Variants in ZNF626 observed in about 807,000 individuals in gnomAD.
ZNF626 encodes CTC-513N18.7.
In ZNF626, 4 loss-of-function variants were observed where a neutral mutation model predicts 11.7. The observed-to-expected ratio is 0.34, with a 90% CI of 0.17 to 0.78. The LOEUF is 0.78. Ranked by LOEUF, ZNF626 falls within the 30% of genes least tolerant of loss-of-function variation. The pLI is 0.57. For synonymous variants in ZNF626, 179 were observed against 198.6 expected, an observed-to-expected ratio of 0.90 and a Z score of 0.83; for missense variants, 588 against 587.1, an observed-to-expected ratio of 1.00 and a Z score of -0.01.
intron 3 of ZNF626, among the ~76,000 whole-genome samples, chr19:20,629,974 A>G (rs1568455871): frequency 6.6e-6 from 1 of 152,138 alleles, no homozygotes; most frequent in Non-Finnish European, 1.5e-5. Flanking sequence ...ATTTATTGAG[A>G]GTTTTTAGTA....
chr19:20,632,283 C>T (rs569677756), intron 3 of ZNF626, among the ~76,000 whole-genome samples: 30 of 152,086 alleles, frequency 2.0e-4, no homozygotes, highest in Non-Finnish European at 3.4e-4. Flanking sequence ...TTCCTCTTCT[C>T]GAGGAGTATC....
chr19:20,644,870 C>T (rs1197433802), intron 3 of ZNF626: 6 of 151,916 alleles, frequency 3.9e-5, no homozygotes, highest in Admixed American at 3.9e-4. Flanking sequence ...ATTTTATTGA[C>T]TATACCTTAA....
At chr19:20,630,790 CTCTGA>C (rs1969895736) in intron 3 of ZNF626, among the ~76,000 whole-genome samples, 1 of 152,028 alleles carries the variant, frequency 6.6e-6, no homozygotes, top group South Asian at 2.1e-4. Flanking sequence ...TTCAGTTCTG[CTCTGA>C]TCTTAGTTAT....
intron 3 of ZNF626, among the ~76,000 whole-genome samples, chr19:20,631,651 A>C (rs8106525): frequency 0.43 from 62,275 of 143,736 alleles, 14,689 homozygotes; most frequent in African/African-American, 0.62. Context: ...GTAGATCTTC[A>C]TCCATCCCTT....
At chr19:20,644,178 G>A (rs1970051017) in intron 3 of ZNF626, among the ~76,000 whole-genome samples, 1 of 152,080 alleles carries the variant, frequency 6.6e-6, no homozygotes, top group African/African-American at 2.4e-5. Flanking sequence ...TCCGTTACAC[G>A]AGCCACAGTT....
rs142066015 is a variant in ZNF626, at chr19:20,631,923, G to T, written c.227-6273C>A. On this transcript the variant is annotated intron_variant, in intron 3 of 3. Transcript: ENST00000601440. Reference sequence around the variant, plus strand: ...TTTTGGCATGATTTTGCAGCGGCTGGTACCGGTTGCTCCTTTCCATGTTTA... The same window carrying T: ...TTTTGGCATGATTTTGCAGCGGCTGTTACCGGTTGCTCCTTTCCATGTTTA... 3.3e-5 allele frequency among the ~76,000 whole-genome samples: 5 copies of T among 151,846 alleles called. No individual in the cohort carries two copies. In the East Asian group the frequency reaches 9.7e-4, roughly 30 times the overall value.
rs1181543877 is a variant in ZNF626, at chr19:20,625,103, C to T, written c.774G>A (p.Lys258=). The T allele has an allele frequency of 3.7e-6, 6 of 1,603,804 alleles. No individual in the cohort carries two copies. The African/African-American group carries it at 5.6e-5, about 15-fold the overall frequency. Residue 258 remains lysine, a synonymous_variant, in exon 4 of 4, where the codon AAG becomes AAA. Transcript: ENST00000601440. ...KRNHTGEKPY[K]CDKCGKAFMS... ...TAAAGGCTTTGCCACATTTATCACA[C>T]TTGTAGGGTTTCTCTCCAGTATGAT...
intron 1 of ZNF626, among the ~76,000 whole-genome samples, chr19:20,647,023 T>C (rs889104688): frequency 3.5e-5 from 5 of 142,374 alleles, no homozygotes; most frequent in Non-Finnish European, 7.8e-5. Context: ...ATTTTTTTCG[T>C]AGTTTTAGTA....
In ZNF626 at chr19:20,648,568, A is replaced by C. The variant is rs577209853; in HGVS notation, c.4-2163T>G. Among the ~76,000 whole-genome samples, 39 of 152,038 alleles carry C rather than the reference A, an allele frequency of 2.6e-4. No individual in the cohort carries two copies. In the East Asian group the frequency reaches 6.0e-3, roughly 23 times the overall value. On this transcript the variant is annotated intron_variant, in intron 1 of 3. Coordinates refer to ENST00000601440, the MANE Select transcript of ZNF626 (RefSeq NM_001076675.3). ...ATTTTTTGTATTTTAGTAGAGACAG[A>C]GTTTCACCATGTTGACCAGGATGGT...
intron 3 of ZNF626, among the ~76,000 whole-genome samples, chr19:20,630,557 T>G (rs1969891538): frequency 6.6e-6 from 1 of 152,010 alleles, no homozygotes; most frequent in Non-Finnish European, 1.5e-5. Flanking sequence ...ATTTTCTAGT[T>G]TATTTGCATA....
chr19:20,643,456 G>GT (rs1970044464), intron 3 of ZNF626, among the ~76,000 whole-genome samples: 1 of 151,920 alleles, frequency 6.6e-6, no homozygotes, highest in Admixed American at 6.5e-5. Flanking sequence ...TTTATATTTA[G>GT]TAACTATTTT....
intron 3 of ZNF626, chr19:20,645,472 G>C (rs781811329): frequency 6.2e-6 from 10 of 1,608,816 alleles, no homozygotes; most frequent in South Asian, 3.3e-5. Context: ...AAAATCCTTA[G>C]AGAATTTAAA....
At chr19:20,648,335 A>G (rs1311220126) in intron 1 of ZNF626, among the ~76,000 whole-genome samples, 1 of 151,610 alleles carries the variant, frequency 6.6e-6, no homozygotes, top group Admixed American at 6.6e-5. Context: ...TGGGTAATAA[A>G]TGCCATCCCA....
At chr19:20,636,368 T>A (rs573193771) in intron 3 of ZNF626, among the ~76,000 whole-genome samples, 1 of 152,044 alleles carries the variant, frequency 6.6e-6, no homozygotes, top group African/African-American at 2.4e-5. Context: ...TATTGTTATA[T>A]ACAATTATAA....
chr19:20,634,101 A>G (rs1555770684), intron 3 of ZNF626, among the ~76,000 whole-genome samples: 1 of 152,190 alleles, frequency 6.6e-6, no homozygotes, highest in Non-Finnish European at 1.5e-5. Context: ...ACCTATTACA[A>G]ATTTGTATAT....
At chr19:20,626,251 C>A (rs543658533) in intron 3 of ZNF626, among the ~76,000 whole-genome samples, 12 of 152,144 alleles carry the variant, frequency 7.9e-5, no homozygotes, top group African/African-American at 2.9e-4. Flanking sequence ...TGATTTCAGA[C>A]TATGCCAGGA....
Position 20,624,780 on chromosome 19 carries a change from T to C in ZNF626, c.1097A>G (p.Glu366Gly), listed in dbSNP as rs373044702. 2.2e-5 allele frequency: 36 copies of C among 1,613,458 alleles called. No individual in the cohort carries two copies. Among genetic ancestry groups the C allele is most frequent in the Non-Finnish European group, 2.8e-5 (33 of 1,179,970 alleles). ...ACATTCTTCACATTTGTAGGGTTTC[T>C]CTCCAGTATGAATTCTCTTATGTGT... ...LTTHKRIHTGEKPYKCEECGK... is the reference protein window; with the variant it reads ...LTTHKRIHTGGKPYKCEECGK... Residue 366 changes from glutamate (E) to glycine (G), a missense_variant, in exon 4 of 4, where the codon GAG becomes GGG. By Grantham distance (98) the Glu-to-Gly change is moderately conservative (BLOSUM62 -2). Coordinates refer to ENST00000601440, the MANE Select transcript of ZNF626 (RefSeq NM_001076675.3).
At chr19:20,629,997 G>T (rs2144768241) in intron 3 of ZNF626, among the ~76,000 whole-genome samples, 1 of 152,322 alleles carries the variant, frequency 6.6e-6, no homozygotes, top group East Asian at 1.9e-4. Context: ...AAGTGTTGTT[G>T]AATTTTGTGA....
rs782322875 is a variant in ZNF626, at chr19:20,625,531, C to T, written c.346G>A (p.Gly116Arg). 1.5e-5 allele frequency: 24 copies of T among 1,613,094 alleles called. No individual in the cohort carries two copies. Among genetic ancestry groups the T allele is most frequent in the Non-Finnish European group, 2.0e-5 (24 of 1,179,772 alleles). ...CEHDNLQLKK[G>R]CISVDECKVH... ...TTACACTCATCCACACTTATACATC[C>T]TTTTTTTAACTGTAAATTGTCATGT... The change falls in exon 4 of 4, where the codon GGA becomes AGA. Residue 116 changes from glycine (G) to arginine (R), a missense_variant. Around this residue, in one of 4 missense-constraint regions of ZNF626, gnomAD observed 524 missense variants for 470.1 expected, o/e 1.11. Transcript: ENST00000601440.
Sources: gnomAD v4.1 joint callset for allele counts (sites outside exome capture counted in the v4.1 genomes callset) on GRCh38, gnomAD v4.1.1 for gene constraint, gnomAD v4.1.1 regional missense constraint, MANE v1.5 for transcripts, NCBI Gene and HGNC (gene_info 2026-07-23, HGNC 2026-07-21) for gene names.